Variants in INPP4B observed in about 807,000 individuals in gnomAD.
The protein encoded by INPP4B is inositol polyphosphate-4-phosphatase type II B, also known as inositol polyphosphate 4-phosphatase type II.
A neutral mutation model predicts 122.5 loss-of-function variants in INPP4B; 55 were observed. That is an observed-to-expected ratio of 0.45 (90% CI 0.36 to 0.56). INPP4B has a LOEUF of 0.56. Ranked by LOEUF, INPP4B falls within the 20% of genes least tolerant of loss-of-function variation. INPP4B has a pLI of 0.00. For synonymous variants in INPP4B, 403 were observed against 388.7 expected (o/e 1.04, Z -0.43); for missense variants, 1,000 against 1,097.7 (o/e 0.91, Z 1.26).
At chr4:142,665,732 T>G (rs1222354223) in intron 2 of INPP4B, among the ~76,000 whole-genome samples, 1 of 152,050 alleles carries the variant, frequency 6.6e-6, no homozygotes, top group African/African-American at 2.4e-5. Flanking sequence ...CAGATTTTAT[T>G]AATAAAAAAG....
At chr4:142,658,537 T>A (rs1450294564) in intron 2 of INPP4B, among the ~76,000 whole-genome samples, 1 of 152,250 alleles carries the variant, frequency 6.6e-6, no homozygotes, top group Non-Finnish European at 1.5e-5. Context: ...ATGGAGCATG[T>A]TTGTTTGTCT....
At chr4:142,456,255 TG>T (rs1560677562) in intron 3 of INPP4B, among the ~76,000 whole-genome samples, 1 of 152,082 alleles carries the variant, frequency 6.6e-6, no homozygotes, top group Admixed American at 6.6e-5. Context: ...GTTTTCCTAA[TG>T]TTTTCTTGTA....
intron 11 of INPP4B, among the ~76,000 whole-genome samples, chr4:142,259,450 T>C (rs1005558889): frequency 6.6e-6 from 1 of 151,610 alleles, no homozygotes; most frequent in African/African-American, 2.4e-5. Context: ...TGGGTAAGTG[T>C]TGAATTTCAA....
At chr4:142,569,404 T>G (rs1381326755) in intron 2 of INPP4B, among the ~76,000 whole-genome samples, 1 of 151,966 alleles carries the variant, frequency 6.6e-6, no homozygotes, top group Non-Finnish European at 1.5e-5. Context: ...AACCATGTAG[T>G]GCTAAGCATG....
At chr4:142,326,934 A>G (rs1165396262) in intron 7 of INPP4B, among the ~76,000 whole-genome samples, 2 of 152,280 alleles carry the variant, frequency 1.3e-5, no homozygotes, top group East Asian at 3.9e-4. Flanking sequence ...TTCATTAGCA[A>G]ATTGCAGACA....
rs766675392 is a variant in INPP4B, at chr4:142,028,911, T to C, written c.2646A>G (p.Glu882=). The C allele has an allele frequency of 8.1e-6, 13 of 1,608,612 alleles. No homozygotes were observed. Among genetic ancestry groups the C allele is most frequent in the Admixed American group, 3.4e-5 (2 of 58,848 alleles). Residue 882 remains glutamate, a synonymous_variant, in exon 26 of 26, where the codon GAA becomes GAG. Coordinates refer to ENST00000262992, the MANE Select transcript of INPP4B (RefSeq NM_001101669.3). The part of the protein sequence containing the change: ...FIRALDCMRR[E]GCRIENVLKN... Reference sequence around the variant, plus strand: ...TCAGTACATTCTCTATGCGGCATCCTTCTCTGGTGAAAGGGGAAAAAGTAC... The same window carrying C: ...TCAGTACATTCTCTATGCGGCATCCCTCTCTGGTGAAAGGGGAAAAAGTAC...
chr4:142,488,166 C>T (rs1394856539), intron 2 of INPP4B, among the ~76,000 whole-genome samples: 1 of 152,040 alleles, frequency 6.6e-6, no homozygotes, highest in Non-Finnish European at 1.5e-5. Flanking sequence ...GATCATAGAA[C>T]TTCCTCCTTT....
intron 18 of INPP4B, among the ~76,000 whole-genome samples, chr4:142,139,915 T>C (rs1288707684): frequency 2.0e-5 from 3 of 152,146 alleles, no homozygotes; most frequent in Non-Finnish European, 4.4e-5. Context: ...TGGCTTCCAG[T>C]GATCCACCCA....
chr4:142,251,589 C>A (rs527475994), intron 11 of INPP4B, among the ~76,000 whole-genome samples: 28 of 152,272 alleles, frequency 1.8e-4, no homozygotes, highest in African/African-American at 6.3e-4. Flanking sequence ...AATATTATAT[C>A]TTTCATTAAA....
At chr4:142,154,736 TAAG>T (rs1345221213) in intron 17 of INPP4B, among the ~76,000 whole-genome samples, 1 of 152,132 alleles carries the variant, frequency 6.6e-6, no homozygotes, top group Non-Finnish European at 1.5e-5. Flanking sequence ...TGTTTCAAAA[TAAG>T]AAGACAAATC....
rs572474330 is a variant in INPP4B at position 142,837,632 on chromosome 4, C to T, written c.-254+8577G>A. ...ATTTTAGCTTTTGTTGTTGTTGTTA[C>T]AATCACATTCACCTTTCCAATTAAC... On this transcript the variant is annotated intron_variant, in intron 1 of 25. Transcript: ENST00000262992. Among the ~76,000 whole-genome samples the T allele has an allele frequency of 2.5e-4, 38 of 152,208 alleles. No homozygotes were observed. In the East Asian group the frequency reaches 3.5e-3, roughly 14 times the overall value.
intron 23 of INPP4B, among the ~76,000 whole-genome samples, chr4:142,099,632 A>T (rs1341308316): frequency 6.6e-6 from 1 of 152,166 alleles, no homozygotes; most frequent in Non-Finnish European, 1.5e-5. Context: ...TAAAAATACC[A>T]TATAAAGCCC....
chr4:142,455,081 C>A (rs1427501470), intron 3 of INPP4B, among the ~76,000 whole-genome samples: 1 of 151,660 alleles, frequency 6.6e-6, no homozygotes, highest in Non-Finnish European at 1.5e-5. Context: ...GTATCAAAAC[C>A]TCATTATTTC....
intron 2 of INPP4B, among the ~76,000 whole-genome samples, chr4:142,708,120 A>G (rs892694154): frequency 6.6e-6 from 1 of 152,202 alleles, no homozygotes; most frequent in African/African-American, 2.4e-5. Context: ...GGTTTTGGGT[A>G]TCTGGTGGAA....
intron 7 of INPP4B, among the ~76,000 whole-genome samples, chr4:142,351,214 G>C (rs755058202): frequency 6.6e-6 from 1 of 151,896 alleles, no homozygotes; most frequent in South Asian, 2.1e-4. Context: ...CACCATTAGT[G>C]GGATAAATTT....
At position 142,779,057 on chromosome 4, in the gene INPP4B, C is replaced by T. The variant is rs537979245; in HGVS notation, c.-253-53156G>A. Among the ~76,000 whole-genome samples the T allele has an allele frequency of 1.2e-4, 19 of 152,014 alleles. No individual in the cohort carries two copies. In the South Asian group the frequency reaches 3.3e-3, roughly 27 times the overall value. On this transcript the variant is annotated intron_variant, in intron 1 of 25. Transcript: ENST00000262992. ...ATTTTTATGTAAATGGAAAAGGTAA[C>T]TTTCCATATGCATAAATAGTGTTAA...
chr4:142,146,414 A>G (rs569193471), intron 17 of INPP4B, among the ~76,000 whole-genome samples: 29 of 152,274 alleles, frequency 1.9e-4, no homozygotes, highest in African/African-American at 6.3e-4. Context: ...GGTTATATAT[A>G]CATATATATA....
chr4:142,148,737 T>C (rs1211241880), intron 17 of INPP4B, among the ~76,000 whole-genome samples: 4 of 152,180 alleles, frequency 2.6e-5, no homozygotes, highest in African/African-American at 4.8e-5. Context: ...TTGTAGCCTG[T>C]AAAGAGATCT....
chr4:142,283,516 C>T (rs970122745), intron 9 of INPP4B, among the ~76,000 whole-genome samples: 3 of 152,072 alleles, frequency 2.0e-5, no homozygotes, highest in African/African-American at 7.2e-5. Context: ...AGTGTACTTA[C>T]ATAAACCTAG....
Sources: allele counts gnomAD v4.1 joint callset (sites outside exome capture counted in the v4.1 genomes callset), GRCh38; gene constraint gnomAD v4.1.1; transcripts MANE v1.5; gene names NCBI Gene and HGNC (gene_info 2026-07-23, HGNC 2026-07-21).